GPC5: variants seen among roughly 807,000 people sequenced by gnomAD.
The protein encoded by GPC5 is glypican 5.
A neutral mutation model predicts 53.9 loss-of-function variants in GPC5; 47 were observed. The ratio of observed to expected loss-of-function variants is 0.87; its 90% CI spans 0.69 to 1.11. The LOEUF (loss-of-function observed/expected upper bound fraction) is 1.11. GPC5 is among the 50% of genes most tolerant of loss of function. The pLI, the probability that GPC5 is intolerant of heterozygous loss-of-function variation, is 0.00. For missense variants in GPC5, 748 were observed against 713.1 expected (o/e 1.05, Z -0.56); for synonymous variants, 286 against 263.3 (o/e 1.09, Z -0.84).
intron 7 of GPC5, among the ~76,000 whole-genome samples, chr13:92,739,938 C>T (rs1245975388): frequency 6.6e-6 from 1 of 151,924 alleles, no homozygotes; most frequent in East Asian, 1.9e-4. Context: ...ATTTTCAGAA[C>T]CCACAAAATT....
intron 7 of GPC5, among the ~76,000 whole-genome samples, chr13:92,810,865 C>A (rs573888870): frequency 1.3e-5 from 2 of 151,730 alleles, no homozygotes; most frequent in Non-Finnish European, 2.9e-5. Context: ...GGATTACAGG[C>A]GTCTGCCACC....
intron 6 of GPC5, among the ~76,000 whole-genome samples, chr13:92,069,542 A>AAC (rs2041194435): frequency 6.6e-6 from 1 of 151,974 alleles, no homozygotes; most frequent in East Asian, 1.9e-4. Flanking sequence ...AGAGATAGTT[A>AAC]TATTTCTTTC....
In GPC5 at chr13:92,385,437, C is replaced by CATAT. The variant is rs796970443; in HGVS notation, c.1561+240452_1561+240455dup. ...ATATATATACATATATACATATATACATATATACATATATACATATATACA... is the reference window on the plus strand; with the variant it reads ...ATATATATACATATATACATATATACATATATATATACATATATACATATATACA... On this transcript the variant is annotated intron_variant, in intron 7 of 7. Transcript: ENST00000377067. Among the ~76,000 whole-genome samples, 72 of 64,032 alleles carry CATAT rather than the reference C, an allele frequency of 1.1e-3. 1 individual carries two copies. The highest frequency in any genetic ancestry group is 9.4e-3 in the Middle Eastern group (1 of 106). 42.0% of individuals were successfully genotyped at this position (64,032 alleles called of 152,430 possible). A position where few individuals can be genotyped will look rare whatever the true frequency, so the allele number is the denominator to read the frequency against.
chr13:92,859,091 T>A (rs913046166), intron 7 of GPC5, among the ~76,000 whole-genome samples: 23 of 151,880 alleles, frequency 1.5e-4, no homozygotes, highest in East Asian at 3.9e-4. Flanking sequence ...AAACTTTTTT[T>A]AAAAAAAATT....
chr13:91,433,954 A>G (rs1183494557), intron 1 of GPC5, among the ~76,000 whole-genome samples: 1 of 152,180 alleles, frequency 6.6e-6, no homozygotes, highest in Non-Finnish European at 1.5e-5. Flanking sequence ...ATGGCCAGTG[A>G]TGGTGAGCAT....
chr13:91,864,939 C>G (rs1170956867), intron 5 of GPC5, among the ~76,000 whole-genome samples: 3 of 147,522 alleles, frequency 2.0e-5, no homozygotes, highest in African/African-American at 7.5e-5. Flanking sequence ...GAGTCTTGCT[C>G]TATCACCCAG....
chr13:92,052,613 G>A (rs969944919), intron 6 of GPC5, among the ~76,000 whole-genome samples: 1 of 152,158 alleles, frequency 6.6e-6, no homozygotes, highest in Non-Finnish European at 1.5e-5. Flanking sequence ...AGTTTTTACA[G>A]AGTGCTGATT....
intron 7 of GPC5, among the ~76,000 whole-genome samples, chr13:92,661,302 A>C (rs1254564527): frequency 6.6e-6 from 1 of 152,068 alleles, no homozygotes; most frequent in Non-Finnish European, 1.5e-5. Context: ...TCAAAAAAAA[A>C]CATAAAAACT....
chr13:91,517,695 T>C (rs1885576432), intron 2 of GPC5, among the ~76,000 whole-genome samples: 1 of 152,202 alleles, frequency 6.6e-6, no homozygotes, highest in Admixed American at 6.5e-5. Context: ...TACATTTTCA[T>C]GCTGCTCATT....
intron 3 of GPC5, among the ~76,000 whole-genome samples, chr13:91,696,878 G>A (rs1368678734): frequency 1.3e-5 from 2 of 152,274 alleles, no homozygotes; most frequent in Non-Finnish European, 1.5e-5. Flanking sequence ...ACAAAGAGTA[G>A]GAATTAAAAG....
At chr13:92,319,410 TAA>T (rs67635557) in intron 7 of GPC5, among the ~76,000 whole-genome samples, 25,938 of 108,524 alleles carry the variant, frequency 0.24, 2,338 homozygotes, top group South Asian at 0.43. Flanking sequence ...TCTCTGAAAC[TAA>T]AAAAAAAAAA....
intron 7 of GPC5, among the ~76,000 whole-genome samples, chr13:92,356,209 A>G (rs2043521020): frequency 6.6e-6 from 1 of 152,166 alleles, no homozygotes. Context: ...ACACACACTT[A>G]GTCCATAACA....
intron 6 of GPC5, among the ~76,000 whole-genome samples, chr13:92,024,749 A>C: frequency 6.6e-6 from 1 of 152,160 alleles, no homozygotes; most frequent in East Asian, 1.9e-4. Flanking sequence ...GGTGCTTTTT[A>C]TTCCCCTCTT....
intron 7 of GPC5, among the ~76,000 whole-genome samples, chr13:92,562,742 T>C (rs775197989): frequency 2.0e-5 from 3 of 152,014 alleles, no homozygotes; most frequent in Admixed American, 6.6e-5. Flanking sequence ...TTTATAAAAG[T>C]GAATAAAGTT....
At chr13:92,526,222 A>C (rs936945184) in intron 7 of GPC5, among the ~76,000 whole-genome samples, 4 of 152,136 alleles carry the variant, frequency 2.6e-5, no homozygotes, top group African/African-American at 9.7e-5. Flanking sequence ...CAAATATTGC[A>C]AGAAAGTGGA....
intron 7 of GPC5, among the ~76,000 whole-genome samples, chr13:92,278,781 A>G (rs573166586): frequency 6.6e-6 from 1 of 152,066 alleles, no homozygotes; most frequent in African/African-American, 2.4e-5. Flanking sequence ...TTTGTTAGAG[A>G]TCACTCCTCC....
intron 7 of GPC5, among the ~76,000 whole-genome samples, chr13:92,162,077 G>T (rs1049275601): frequency 7.2e-6 from 1 of 138,110 alleles, no homozygotes; most frequent in Non-Finnish European, 1.5e-5. Context: ...CATAATTATT[G>T]TTCCATACCT....
chr13:92,116,406 C>G (rs1454612890), intron 6 of GPC5, among the ~76,000 whole-genome samples: 1 of 152,198 alleles, frequency 6.6e-6, no homozygotes, highest in Non-Finnish European at 1.5e-5. Context: ...TCTTGAACTT[C>G]TAGCCTCCAG....
chr13:92,078,918 A>G (rs1457526507), intron 6 of GPC5, among the ~76,000 whole-genome samples: 2 of 152,132 alleles, frequency 1.3e-5, no homozygotes, highest in African/African-American at 4.8e-5. Context: ...TTTTGTCAAT[A>G]CACAAACACC....
Sources: allele counts gnomAD v4.1 joint callset (sites outside exome capture counted in the v4.1 genomes callset), GRCh38; gene constraint gnomAD v4.1.1; transcripts MANE v1.5; gene names NCBI Gene and HGNC (gene_info 2026-07-23, HGNC 2026-07-21).